MBD5: variants seen among roughly 807,000 people sequenced by gnomAD.
MBD5 encodes the protein methyl-CpG-binding domain protein 5.
A neutral mutation model predicts 117.3 loss-of-function variants in MBD5; 13 were observed. The ratio of observed to expected loss-of-function variants is 0.11; its 90% CI spans 0.07 to 0.18. The LOEUF is 0.18. MBD5 is among the 10% of genes least tolerant of loss of function. The probability of loss-of-function intolerance (pLI) is 1.00; values close to 1 mark genes in which losing one functional copy is unlikely to be tolerated. For synonymous variants in MBD5, 727 were observed against 766.4 expected, an observed-to-expected ratio of 0.95 and a Z score of 0.85; for missense variants, 1,879 against 2,093.8, an observed-to-expected ratio of 0.90 and a Z score of 2.00.
At chr2:148,117,298 A>G (rs1696663430) in intron 1 of MBD5, among the ~76,000 whole-genome samples, 1 of 151,338 alleles carries the variant, frequency 6.6e-6, no homozygotes, top group Admixed American at 6.6e-5. Flanking sequence ...TAGATCTCTT[A>G]TAGTTCTTTC....
At chr2:148,278,436 C>T (rs901212036) in intron 3 of MBD5, among the ~76,000 whole-genome samples, 15 of 152,132 alleles carry the variant, frequency 9.9e-5, no homozygotes, top group African/African-American at 3.4e-4. Flanking sequence ...TATTATCCAT[C>T]AGGTTTTGAT....
chr2:148,443,314 T>TTCC (rs1490408223), intron 4 of MBD5, among the ~76,000 whole-genome samples: 2 of 151,146 alleles, frequency 1.3e-5, no homozygotes, highest in Non-Finnish European at 2.9e-5. Flanking sequence ...AAATTGGGAA[T>TTCC]GTAAAGAGAG....
rs1185100489 is a variant in MBD5 at position 148,446,602 on chromosome 2, CTG to C, written c.-556-11573_-556-11572del. On this transcript the variant is annotated intron_variant, in intron 4 of 13. Coordinates refer to ENST00000642680, the MANE Select transcript of MBD5 (RefSeq NM_001378120.1). ...TTAATTTACATACCAGATTATTTATCTGTGTGTGTGTGTGTGTGTGTGTGTGT... is the reference window on the plus strand; with the variant it reads ...TTAATTTACATACCAGATTATTTATCTGTGTGTGTGTGTGTGTGTGTGTGT... Among the ~76,000 whole-genome samples, 639 of 148,892 alleles carry C rather than the reference CTG, an allele frequency of 4.3e-3. 4 individuals are homozygous for C. The highest frequency in any genetic ancestry group is 0.015 in the African/African-American group (592 of 40,374).
chr2:148,039,509 C>G (rs1307462533), intron 1 of MBD5, among the ~76,000 whole-genome samples: 1 of 152,048 alleles, frequency 6.6e-6, no homozygotes, highest in Non-Finnish European at 1.5e-5. Context: ...CACAAGAAAA[C>G]TCGAGGCTTA....
chr2:148,141,805 G>A (rs1041158457), intron 1 of MBD5, among the ~76,000 whole-genome samples: 7 of 73,554 alleles, frequency 9.5e-5, no homozygotes, highest in Non-Finnish European at 1.6e-4. Flanking sequence ...AAAAAAAAAT[G>A]TTTTTAATAA....
intron 3 of MBD5, among the ~76,000 whole-genome samples, chr2:148,252,673 C>T (rs1196927833): frequency 6.6e-6 from 1 of 152,074 alleles, no homozygotes. Context: ...CCTCTGCCTC[C>T]CACATAGCTG....
chr2:148,270,927 A>C (rs1700971214), intron 3 of MBD5, among the ~76,000 whole-genome samples: 1 of 151,908 alleles, frequency 6.6e-6, no homozygotes, highest in Non-Finnish European at 1.5e-5. Flanking sequence ...ATAGCCCTTT[A>C]TTCCTTTTCC....
chr2:148,332,581 G>C (rs1015113994), intron 3 of MBD5, among the ~76,000 whole-genome samples: 2 of 152,046 alleles, frequency 1.3e-5, no homozygotes, highest in South Asian at 2.1e-4. Context: ...TAGGATTCTG[G>C]TTTGTAATTC....
intron 1 of MBD5, among the ~76,000 whole-genome samples, chr2:148,168,740 C>G (rs1186023961): frequency 2.0e-5 from 3 of 151,646 alleles, no homozygotes; most frequent in Non-Finnish European, 4.4e-5. Flanking sequence ...GAGACCCTGT[C>G]TCAAATTAAA....
intron 1 of MBD5, chr2:148,027,767 CA>C (rs1191257986): frequency 1.3e-5 from 2 of 152,090 alleles, no homozygotes; most frequent in Non-Finnish European, 2.9e-5. Flanking sequence ...TATGCCAGTA[CA>C]TAATGACCTG....
chr2:148,314,085 G>A (rs1170620950), intron 3 of MBD5, among the ~76,000 whole-genome samples: 2 of 151,772 alleles, frequency 1.3e-5, no homozygotes, highest in Non-Finnish European at 1.5e-5. Flanking sequence ...ATTCCTATTC[G>A]GTCATCTTGC....
intron 4 of MBD5, among the ~76,000 whole-genome samples, chr2:148,444,011 C>T (rs1706413223): frequency 6.6e-6 from 1 of 151,056 alleles, no homozygotes; most frequent in Non-Finnish European, 1.5e-5. Flanking sequence ...GTAACTCATA[C>T]ATATATATAC....
intron 3 of MBD5, among the ~76,000 whole-genome samples, chr2:148,281,487 G>T (rs913828260): frequency 6.6e-6 from 1 of 151,282 alleles, no homozygotes; most frequent in African/African-American, 2.4e-5. Context: ...TCTTTTTTAA[G>T]ATATTTCTTC....
chr2:148,442,698 A>G (rs1706364666), intron 4 of MBD5, among the ~76,000 whole-genome samples: 1 of 151,324 alleles, frequency 6.6e-6, no homozygotes, highest in African/African-American at 2.5e-5. Context: ...ATCCATATAT[A>G]AAAGATGGAA....
chr2:148,309,804 T>C (rs1407672938), intron 3 of MBD5, among the ~76,000 whole-genome samples: 1 of 152,232 alleles, frequency 6.6e-6, no homozygotes, highest in Non-Finnish European at 1.5e-5. Flanking sequence ...TTGTCATAAA[T>C]AGCTCTTATT....
intron 3 of MBD5, among the ~76,000 whole-genome samples, chr2:148,299,684 G>T (rs1365119187): frequency 1.3e-5 from 2 of 152,092 alleles, no homozygotes; most frequent in Admixed American, 1.3e-4. Flanking sequence ...CTGATATCCA[G>T]TCATTTCCTA....
chr2:148,328,270 TG>T, intron 3 of MBD5, among the ~76,000 whole-genome samples: 1 of 152,302 alleles, frequency 6.6e-6, no homozygotes, highest in Admixed American at 6.5e-5. Flanking sequence ...CATTTAAGTC[TG>T]CAGAGGTTAC....
chr2:148,046,744 T>C (rs1463112270), intron 1 of MBD5, among the ~76,000 whole-genome samples: 3 of 152,216 alleles, frequency 2.0e-5, no homozygotes, highest in African/African-American at 7.2e-5. Flanking sequence ...AGCTAATTAA[T>C]CTGCCTCTGA....
chr2:148,287,067 G>T (rs1312206934), intron 3 of MBD5, among the ~76,000 whole-genome samples: 1 of 152,054 alleles, frequency 6.6e-6, no homozygotes, highest in East Asian at 1.9e-4. Context: ...TATTCAGAGG[G>T]TTTTTTAGTT....
Sources: gnomAD v4.1 joint callset for allele counts (sites outside exome capture counted in the v4.1 genomes callset) on GRCh38, gnomAD v4.1.1 for gene constraint, MANE v1.5 for transcripts, NCBI Gene and HGNC (gene_info 2026-07-23, HGNC 2026-07-21) for gene names.